The following ITPR1 variants were observed in gnomAD, a reference collection of about 807,000 sequenced individuals.
ITPR1 encodes inositol 1,4,5-trisphosphate-gated calcium channel ITPR1.
ITPR1 carries 96 observed loss-of-function variants against 318.4 expected under a neutral mutation model. The ratio of observed to expected loss-of-function variants is 0.30; its 90% CI spans 0.26 to 0.36. The LOEUF is 0.36. Ranked by LOEUF, ITPR1 falls within the 10% of genes least tolerant of loss-of-function variation. The probability of loss-of-function intolerance (pLI) is 1.00; values close to 1 mark genes in which losing one functional copy is unlikely to be tolerated. For missense variants in ITPR1, 2,440 were observed against 3,460.2 expected, an observed-to-expected ratio of 0.71 and a Z score of 7.40; for synonymous variants, 1,312 against 1,289.9, an observed-to-expected ratio of 1.02 and a Z score of -0.37.
chr3:4,509,192 G>A (rs1246952008), intron 2 of ITPR1, among the ~76,000 whole-genome samples: 1 of 152,152 alleles, frequency 6.6e-6, no homozygotes, highest in Admixed American at 6.5e-5. Flanking sequence ...GAGAGCTGAG[G>A]TTCAGAGAAG....
intron 4 of ITPR1, among the ~76,000 whole-genome samples, chr3:4,547,409 G>T (rs1324304278): frequency 6.6e-6 from 1 of 152,174 alleles, no homozygotes; most frequent in Non-Finnish European, 1.5e-5. Flanking sequence ...TTCTTCACAT[G>T]TGTCTTGTGT....
At chr3:4,707,535 C>T (rs932117567) in intron 37 of ITPR1, among the ~76,000 whole-genome samples, 4 of 152,156 alleles carry the variant, frequency 2.6e-5, no homozygotes, top group African/African-American at 4.8e-5. Flanking sequence ...AGTCACATAG[C>T]GTCACTTTTA....
rs759639647 is a variant in ITPR1, at chr3:4,669,810, G to C, written c.2006+37G>C. The C allele has an allele frequency of 2.5e-6, 4 of 1,572,310 alleles. No individual in the cohort carries two copies. In the Admixed American group the frequency reaches 7.1e-5, roughly 28 times the overall value. ...GCCAGGGTTTAGATGGAAAACATGG[G>C]GTTCATTCAGTGTTGGTGCTCATGA... On this transcript the variant is annotated intron_variant, in intron 19 of 61. Transcript: ENST00000649015.
intron 4 of ITPR1, among the ~76,000 whole-genome samples, chr3:4,584,445 T>C (rs1487297452): frequency 1.3e-5 from 2 of 152,050 alleles, no homozygotes; most frequent in East Asian, 1.9e-4. Flanking sequence ...CTCAGAAAGA[T>C]AGTTATATTC....
chr3:4,550,886 TAA>T (rs879350536), intron 4 of ITPR1, among the ~76,000 whole-genome samples: 11 of 141,630 alleles, frequency 7.8e-5, no homozygotes, highest in Admixed American at 2.1e-4. Flanking sequence ...ACCCTGTCTT[TAA>T]AAAAAAAAAA....
chr3:4,815,832 T>TA (rs1413213465), intron 59 of ITPR1, among the ~76,000 whole-genome samples: 1 of 152,226 alleles, frequency 6.6e-6, no homozygotes, highest in African/African-American at 2.4e-5. Context: ...ATTAAAGACT[T>TA]AAATTCTTTG....
At chr3:4,808,551 G>T (rs1246544322) in intron 55 of ITPR1, among the ~76,000 whole-genome samples, 2 of 152,222 alleles carry the variant, frequency 1.3e-5, no homozygotes, top group African/African-American at 4.8e-5. Flanking sequence ...ATGGTTGGCT[G>T]CCTCTCCTGT....
intron 36 of ITPR1, among the ~76,000 whole-genome samples, chr3:4,704,156 T>G (rs932399681): frequency 6.6e-6 from 1 of 152,202 alleles, no homozygotes; most frequent in Non-Finnish European, 1.5e-5. Flanking sequence ...CTCATGCCTG[T>G]AATCCCAGCA....
At chr3:4,625,798 C>G (rs1263673540) in intron 4 of ITPR1, among the ~76,000 whole-genome samples, 1 of 152,166 alleles carries the variant, frequency 6.6e-6, no homozygotes, top group Non-Finnish European at 1.5e-5. Context: ...ACCTCATGAT[C>G]CACCTGCCTT....
intron 48 of ITPR1, among the ~76,000 whole-genome samples, chr3:4,778,247 T>TA (rs1247262247): frequency 6.6e-6 from 1 of 152,260 alleles, no homozygotes; most frequent in Non-Finnish European, 1.5e-5. Flanking sequence ...ATCAGGTTTC[T>TA]AAAGTATATT....
At chr3:4,789,993 A>G (rs2047452402) in intron 52 of ITPR1, among the ~76,000 whole-genome samples, 1 of 152,242 alleles carries the variant, frequency 6.6e-6, no homozygotes, top group South Asian at 2.1e-4. Context: ...ATATGTGTCT[A>G]TGAAATTGGT....
At chr3:4,697,957 T>C (rs1178779570) in intron 34 of ITPR1, among the ~76,000 whole-genome samples, 1 of 152,196 alleles carries the variant, frequency 6.6e-6, no homozygotes, top group African/African-American at 2.4e-5. Flanking sequence ...TGAGCATTTG[T>C]CTCCTGCAAT....
intron 42 of ITPR1, among the ~76,000 whole-genome samples, chr3:4,730,157 C>T (rs1264467269): frequency 6.7e-6 from 1 of 150,208 alleles, no homozygotes; most frequent in Non-Finnish European, 1.5e-5. Flanking sequence ...CCTTTTCTAT[C>T]CCCTCTTACC....
In ITPR1 at chr3:4,827,756, T is replaced by A. The variant is rs115310114; in HGVS notation, c.8029-9018T>A. On this transcript the variant is annotated intron_variant, in intron 60 of 61. Transcript: ENST00000649015. ...GAAGGTGTGATCCTTAGGGTCTGAG[T>A]CAGGGATCAGAGTACAAGGGGCTGG... is the stretch of plus-strand genomic sequence containing the variant. 1.5e-3 allele frequency among the ~76,000 whole-genome samples: 225 copies of A among 152,188 alleles called. 2 individuals carry two copies. Among genetic ancestry groups the A allele is most frequent in the Admixed American group, 5.3e-3 (81 of 15,296 alleles).
chr3:4,643,598 TGG>T lies in ITPR1; in HGVS notation c.526-529_526-528del, dbSNP rs36053326. Among the ~76,000 whole-genome samples the T allele has an allele frequency of 1.4e-3, 212 of 149,758 alleles. 1 individual carries two copies. Among genetic ancestry groups the T allele is most frequent in the African/African-American group, 3.2e-3 (128 of 40,464 alleles). ...CACATAATGATAAGTATTGTTTTTT[TGG>T]GGGGGGGGTAACTTTTGTTTTAGTT... On this transcript the variant is annotated intron_variant, in intron 7 of 61. Transcript: ENST00000649015.
At chr3:4,738,771 C>T (rs773197364) in intron 44 of ITPR1, among the ~76,000 whole-genome samples, 1 of 151,884 alleles carries the variant, frequency 6.6e-6, no homozygotes, top group African/African-American at 2.4e-5. Context: ...ATTACTCATA[C>T]ACCCAGGCTG....
At chr3:4,566,862 A>G (rs1185229187) in intron 4 of ITPR1, among the ~76,000 whole-genome samples, 1 of 151,868 alleles carries the variant, frequency 6.6e-6, no homozygotes, top group Non-Finnish European at 1.5e-5. Context: ...AGGAGAGTTG[A>G]GTGTTTATCA....
chr3:4,722,871 A>G (rs1194668993), intron 40 of ITPR1, among the ~76,000 whole-genome samples: 1 of 152,212 alleles, frequency 6.6e-6, no homozygotes, highest in African/African-American at 2.4e-5. Context: ...ATTTGCAGCC[A>G]TGTGTGGTGA....
At chr3:4,613,243 T>C (rs1037939221) in intron 4 of ITPR1, among the ~76,000 whole-genome samples, 9 of 152,204 alleles carry the variant, frequency 5.9e-5, no homozygotes, top group African/African-American at 2.2e-4. Flanking sequence ...TTCCACTAAA[T>C]ATACAATTTA....
Sources: allele counts gnomAD v4.1 joint callset (sites outside exome capture counted in the v4.1 genomes callset), GRCh38; gene constraint gnomAD v4.1.1; transcripts MANE v1.5; gene names NCBI Gene and HGNC (gene_info 2026-07-23, HGNC 2026-07-21).